Variants in SMC6 observed in about 807,000 individuals in gnomAD.
SMC6 encodes structural maintenance of chromosomes 6.
In SMC6, 79 loss-of-function variants were observed where a neutral mutation model predicts 142.2. The ratio of observed to expected loss-of-function variants is 0.56; its 90% CI spans 0.46 to 0.67. SMC6 has a LOEUF of 0.67. SMC6 is among the 30% of genes least tolerant of loss of function. The probability of loss-of-function intolerance (pLI) is 0.00; values close to 1 mark genes in which losing one functional copy is unlikely to be tolerated. For synonymous variants in SMC6, 411 were observed against 412.4 expected (o/e 1.00, Z 0.04); for missense variants, 1,072 against 1,284.0 (o/e 0.83, Z 2.52).
chr2:17,670,386 A>T, intron 26 of SMC6, 37 bp downstream of exon 26: 1 of 1,575,344 alleles, frequency 6.3e-7, no homozygotes, highest in Non-Finnish European at 8.6e-7. Context: ...TCAAACAAAC[A>T]AAAAAATGAA....
chr2:17,698,662 T>C (rs1668125243), intron 21 of SMC6, among the ~76,000 whole-genome samples: 1 of 152,146 alleles, frequency 6.6e-6, no homozygotes, highest in South Asian at 2.1e-4. Context: ...TGTTTTAATC[T>C]ACTCTGTCCA....
At chr2:17,690,438 C>T (rs549326557) in intron 23 of SMC6, among the ~76,000 whole-genome samples, 1 of 151,924 alleles carries the variant, frequency 6.6e-6, no homozygotes, top group East Asian at 1.9e-4. Flanking sequence ...ACTAAAAGTA[C>T]AAAAAATTAG....
intron 2 of SMC6, among the ~76,000 whole-genome samples, chr2:17,752,277 G>A (rs1212818377): frequency 6.6e-6 from 1 of 152,064 alleles, no homozygotes; most frequent in Non-Finnish European, 1.5e-5. Flanking sequence ...GTTATCTCTA[G>A]ATTACTTATA....
chr2:17,692,674 G>C (rs1033693273), intron 23 of SMC6, among the ~76,000 whole-genome samples: 7 of 152,140 alleles, frequency 4.6e-5, no homozygotes, highest in Admixed American at 1.3e-4. Flanking sequence ...AACACCAAAA[G>C]CAATGGCAAC....
At chr2:17,675,963 C>G (rs2710657) in intron 25 of SMC6, among the ~76,000 whole-genome samples, 4 of 151,862 alleles carry the variant, frequency 2.6e-5, no homozygotes. Context: ...ATTCTTTGTT[C>G]TATCCTATCG....
intron 23 of SMC6, among the ~76,000 whole-genome samples, chr2:17,692,728 T>C (rs1312794493): frequency 1.3e-5 from 2 of 152,030 alleles, no homozygotes. Flanking sequence ...ACTAAAGAGC[T>C]TCTGCACAGC....
intron 18 of SMC6, among the ~76,000 whole-genome samples, chr2:17,704,177 G>T (rs1315624416): frequency 6.6e-6 from 1 of 151,830 alleles, no homozygotes; most frequent in African/African-American, 2.4e-5. Context: ...TAGTACTACA[G>T]GAGCATAAGA....
chr2:17,731,245 T>C, intron 6 of SMC6, 106 bp from the exon 7 acceptor site: 1 of 738,152 alleles, frequency 1.4e-6, no homozygotes, highest in Non-Finnish European at 2.3e-6. Context: ...TTTCATTGCA[T>C]CATCAAGAAA....
At chr2:17,716,328 T>C (rs763731583) in intron 14 of SMC6, 64 bp from the exon 15 acceptor site, 5 of 1,490,362 alleles carry the variant, frequency 3.4e-6, no homozygotes, top group Non-Finnish European at 4.5e-6. Flanking sequence ...ATTTAACCTT[T>C]GCCCATAACA....
Position 17,701,856 on chromosome 2 carries a change from T to G in SMC6, c.2196A>C (p.Glu732Asp). Residue 732 changes from glutamate (E) to aspartate (D), a missense_variant, in exon 20 of 28, where the codon GAA (glutamate) becomes GAC (aspartate). Physicochemically the swap from Glu to Asp is conservative, Grantham distance 45. This residue lies in a region of SMC6 where 994 missense variants were observed against 1,153.2 expected (regional missense o/e 0.86). Coordinates refer to ENST00000448223, the MANE Select transcript of SMC6 (RefSeq NM_001142286.2). ...SEIRELENIEEHQSVDIATLE... is the reference protein window; with the variant it reads ...SEIRELENIEDHQSVDIATLE... ...AAGTTGCAATATCTACAGACTGGTG[T>G]TCTTCTATGTTCTCAAGTTCCCGAA... 3 of 1,580,846 alleles carry G rather than the reference T, an allele frequency of 1.9e-6. No homozygotes were observed. Among genetic ancestry groups the G allele is most frequent in the Non-Finnish European group, 2.6e-6 (3 of 1,160,944 alleles).
chr2:17,695,835 C>A (rs1667960123), intron 22 of SMC6, among the ~76,000 whole-genome samples: 2 of 152,304 alleles, frequency 1.3e-5, no homozygotes, highest in African/African-American at 4.8e-5. Context: ...TGGAATCCAT[C>A]TGTTCTGGTT....
At chr2:17,751,467 CAAAA>C (rs11309389) in intron 2 of SMC6, among the ~76,000 whole-genome samples, 1 of 89,104 alleles carries the variant, frequency 1.1e-5, no homozygotes. Flanking sequence ...CTGTCTCAAA[CAAAA>C]AAAAAAAAAA....
At chr2:17,708,822 G>GTTTA in intron 16 of SMC6, 69 bp from the exon 17 acceptor site, 2 of 397,260 alleles carry the variant, frequency 5.0e-6, no homozygotes, top group South Asian at 6.5e-5. Context: ...TATGAAAATT[G>GTTTA]TGTATATATA....
At chr2:17,753,148 C>T (rs543464703) in intron 1 of SMC6, 84 bp from the exon 2 acceptor site, 95 of 376,180 alleles carry the variant, frequency 2.5e-4, no homozygotes, top group Non-Finnish European at 3.4e-4. Context: ...TTTGCATTTT[C>T]GTAAAACTGG....
At chr2:17,679,772 T>A (rs1667159072) in intron 24 of SMC6, 1 of 152,438 alleles carries the variant, frequency 6.6e-6, no homozygotes, top group Non-Finnish European at 1.5e-5. Context: ...CATCTGTACC[T>A]TCCCTGCCCA....
At chr2:17,702,716 G>A (rs997300403) in intron 19 of SMC6, among the ~76,000 whole-genome samples, 1 of 152,090 alleles carries the variant, frequency 6.6e-6, no homozygotes, top group African/African-American at 2.4e-5. Context: ...TCTTGTGGTA[G>A]TGAGTAAGTC....
intron 24 of SMC6, among the ~76,000 whole-genome samples, chr2:17,683,281 A>C (rs1299451829): frequency 6.6e-6 from 1 of 152,206 alleles, no homozygotes; most frequent in African/African-American, 2.4e-5. Flanking sequence ...GATTATGGTA[A>C]ATCAACTGAG....
At chr2:17,693,514 G>T (rs993700869) in intron 23 of SMC6, among the ~76,000 whole-genome samples, 9 of 152,010 alleles carry the variant, frequency 5.9e-5, no homozygotes, top group African/African-American at 2.2e-4. Context: ...ATGGACACAG[G>T]AAGGGGAACA....
chr2:17,682,218 T>C (rs1667268560), intron 24 of SMC6, among the ~76,000 whole-genome samples: 1 of 152,202 alleles, frequency 6.6e-6, no homozygotes, highest in Non-Finnish European at 1.5e-5. Context: ...CTTCCTCCAC[T>C]GAATCCCTCA....
Sources: gnomAD v4.1 joint callset for allele counts (sites outside exome capture counted in the v4.1 genomes callset) on GRCh38, gnomAD v4.1.1 for gene constraint, gnomAD v4.1.1 regional missense constraint, MANE v1.5 for transcripts, NCBI Gene and HGNC (gene_info 2026-07-23, HGNC 2026-07-21) for gene names.